The following INTS9 variants were observed in gnomAD, a reference collection of about 807,000 sequenced individuals.
INTS9 encodes the protein protein related to CPSF subunits of 74 kDa.
A neutral mutation model predicts 79.7 loss-of-function variants in INTS9; 55 were observed. That is an observed-to-expected ratio of 0.69 (90% CI 0.56 to 0.86). The LOEUF is 0.86. Among genes scored for constraint, INTS9 ranks in the 40% least tolerant of loss-of-function variants. The pLI is 0.00. For missense variants in INTS9, 721 were observed against 831.5 expected (o/e 0.87, Z 1.64); for synonymous variants, 319 against 325.2 (o/e 0.98, Z 0.20).
intron 11 of INTS9, among the ~76,000 whole-genome samples, chr8:28,787,610 A>G (rs1019173725): frequency 5.3e-5 from 8 of 152,210 alleles, no homozygotes; most frequent in Non-Finnish European, 8.8e-5. Context: ...GGTCCACAAC[A>G]TTTTGGAGAA....
At chr8:28,840,867 G>A (rs778286690) in intron 4 of INTS9, among the ~76,000 whole-genome samples, 4 of 151,182 alleles carry the variant, frequency 2.6e-5, no homozygotes, top group Non-Finnish European at 2.9e-5. Context: ...GGTGCAGTAC[G>A]CCAGCATGGC....
At chr8:28,818,042 A>G (rs1209242408) in intron 6 of INTS9, among the ~76,000 whole-genome samples, 1 of 146,838 alleles carries the variant, frequency 6.8e-6, no homozygotes, top group Non-Finnish European at 1.5e-5. Flanking sequence ...CAGCTTAAGG[A>G]GATTTTGGGC....
Position 28,767,697 on chromosome 8 carries a change from A to C in INTS9, c.*449T>G, listed in dbSNP as rs1802292849. On this transcript the variant is annotated 3_prime_UTR_variant, in exon 17 of 17. Transcript: ENST00000521022. ...TAAGTGTTTATTAACAAATGGGCTC[A>C]GAGTAGAAAATGCAGACAGATGGGT... The C allele has an allele frequency of 5.9e-6, 1 of 169,532 alleles. No individual in the cohort carries two copies. Among genetic ancestry groups the C allele is most frequent in the African/African-American group, 2.4e-5 (1 of 41,672 alleles). The allele number at this position is 169,532 out of a possible 1,614,324, so 10.5% of individuals were successfully genotyped here. A position where few individuals can be genotyped will look rare whatever the true frequency, so the allele number is the denominator to read the frequency against.
Position 28,882,803 on chromosome 8 carries a change from T to G in INTS9, c.9+7071A>C, listed in dbSNP as rs1809968016. 5.9e-5 allele frequency among the ~76,000 whole-genome samples: 9 copies of G among 152,340 alleles called. No individual in the cohort carries two copies. In the South Asian group the frequency reaches 1.9e-3, roughly 32 times the overall value. ...TGAGAGAGCTAAAAGTTCATTCAAA[T>G]GTGCTTTCAATAAATTTAAACATTT... On this transcript the variant is annotated intron_variant, in intron 1 of 16. Transcript: ENST00000521022.
At chr8:28,843,636 G>A (rs555087643) in intron 4 of INTS9, among the ~76,000 whole-genome samples, 2 of 152,136 alleles carry the variant, frequency 1.3e-5, no homozygotes, top group African/African-American at 4.8e-5. Context: ...AGGTAAAAAT[G>A]TATTTCACAA....
intron 8 of INTS9, among the ~76,000 whole-genome samples, chr8:28,807,214 T>C (rs1027742010): frequency 6.6e-6 from 1 of 152,144 alleles, no homozygotes; most frequent in African/African-American, 2.4e-5. Context: ...GACAAATCTC[T>C]GCCAAAATTC....
chr8:28,812,279 A>G (rs1165940342), intron 8 of INTS9, 48 bp downstream of exon 8: 2 of 1,585,000 alleles, frequency 1.3e-6, no homozygotes, highest in Non-Finnish European at 1.7e-6. Context: ...TCTGAATTTG[A>G]CTTAAGTAAC....
chr8:28,770,354 A>C (rs1000480264), intron 15 of INTS9, among the ~76,000 whole-genome samples: 1 of 152,198 alleles, frequency 6.6e-6, no homozygotes, highest in Admixed American at 6.5e-5. Flanking sequence ...CAGGTACATC[A>C]TGACCCCGTG....
chr8:28,830,558 A>C (rs1457478904), intron 6 of INTS9, among the ~76,000 whole-genome samples: 2 of 151,620 alleles, frequency 1.3e-5, no homozygotes, highest in Non-Finnish European at 2.9e-5. Context: ...CCGGGAGGTG[A>C]AGGCTGCAGT....
In INTS9 at chr8:28,835,242, A is replaced by G. The variant is rs1321334982; in HGVS notation, c.488+50T>C. ...AAGAAATCAAATGAGACTGCTTTGCAAAGCACCTGGCTCTACAGTCTCTCG... is the reference window on the plus strand; with the variant it reads ...AAGAAATCAAATGAGACTGCTTTGCGAAGCACCTGGCTCTACAGTCTCTCG... On this transcript the variant is annotated intron_variant, in intron 6 of 16. Coordinates refer to ENST00000521022, the MANE Select transcript of INTS9 (RefSeq NM_018250.4). 4.7e-6 allele frequency: 6 copies of G among 1,286,218 alleles called. No individual in the cohort carries two copies. In the South Asian group the frequency reaches 6.3e-5, roughly 14 times the overall value. 79.7% of individuals were successfully genotyped at this position (1,286,218 alleles called of 1,614,324 possible). A position where few individuals can be genotyped will look rare whatever the true frequency, so the allele number is the denominator to read the frequency against.
At position 28,768,281 on chromosome 8, in the gene INTS9, G is replaced by A. The variant is rs1802325058; in HGVS notation, c.1842C>T (p.Gly614=). The part of the protein sequence containing the change: ...SDIKVEDTAK[G]HIVLLQEAET... ...CAGCCTCCTGGAGCAGGACGATATGGCCCTTGGCTGTGTCCTCCACCTTAA... is the reference window on the plus strand; with the variant it reads ...CAGCCTCCTGGAGCAGGACGATATGACCCTTGGCTGTGTCCTCCACCTTAA... The change falls in exon 17 of 17, where the codon GGC becomes GGT. Residue 614 remains glycine (G), a synonymous_variant. Transcript: ENST00000521022. 1.2e-6 allele frequency: 2 copies of A among 1,613,952 alleles called. No individual in the cohort carries two copies. Among genetic ancestry groups the A allele is most frequent in the Non-Finnish European group, 1.7e-6 (2 of 1,180,022 alleles).
At chr8:28,848,151 G>T (rs534319351) in intron 3 of INTS9, among the ~76,000 whole-genome samples, 12 of 152,276 alleles carry the variant, frequency 7.9e-5, no homozygotes, top group Admixed American at 4.6e-4. Context: ...CACCATTAAG[G>T]TTAAAGCTAC....
chr8:28,772,526 G>A (rs1802607501), intron 14 of INTS9, among the ~76,000 whole-genome samples: 1 of 148,132 alleles, frequency 6.8e-6, no homozygotes, highest in African/African-American at 2.5e-5. Context: ...AAAAGACATA[G>A]GGCCGGGCAC....
At chr8:28,814,954 T>C (rs985536489) in intron 6 of INTS9, among the ~76,000 whole-genome samples, 8 of 152,196 alleles carry the variant, frequency 5.3e-5, no homozygotes, top group Admixed American at 2.0e-4. Flanking sequence ...CCATGGCACA[T>C]AGACTTTCTA....
intron 3 of INTS9, among the ~76,000 whole-genome samples, chr8:28,847,881 G>A (rs1391757274): frequency 6.6e-6 from 1 of 152,250 alleles, no homozygotes; most frequent in Non-Finnish European, 1.5e-5. Flanking sequence ...AACACAGACA[G>A]CTCTGAGTTA....
intron 4 of INTS9, among the ~76,000 whole-genome samples, chr8:28,844,894 T>C (rs911666596): frequency 3.3e-5 from 5 of 152,248 alleles, no homozygotes; most frequent in Non-Finnish European, 7.3e-5. Flanking sequence ...AGTTTCTATA[T>C]ATATTTTATG....
intron 1 of INTS9, among the ~76,000 whole-genome samples, chr8:28,878,364 G>A (rs1809503806): frequency 2.0e-5 from 3 of 152,030 alleles, no homozygotes; most frequent in African/African-American, 7.2e-5. Context: ...TCAGGCTGGA[G>A]TGCAGTGGAG....
chr8:28,871,593 A>G (rs1294122058), intron 1 of INTS9, among the ~76,000 whole-genome samples: 1 of 151,958 alleles, frequency 6.6e-6, no homozygotes, highest in African/African-American at 2.4e-5. Context: ...TTTTGTGGAG[A>G]TGAAGCCTCA....
At chr8:28,886,420 G>C (rs1810179005) in intron 1 of INTS9, among the ~76,000 whole-genome samples, 1 of 151,920 alleles carries the variant, frequency 6.6e-6, no homozygotes, top group Non-Finnish European at 1.5e-5. Context: ...GCTAGTTTTT[G>C]TATCTTTTGT....
Sources: allele counts gnomAD v4.1 joint callset (sites outside exome capture counted in the v4.1 genomes callset), GRCh38; gene constraint gnomAD v4.1.1; transcripts MANE v1.5; gene names NCBI Gene and HGNC (gene_info 2026-07-23, HGNC 2026-07-21).